TBRG1: variants seen among roughly 807,000 people sequenced by gnomAD.
The protein encoded by TBRG1 is transforming growth factor beta regulator 1.
In TBRG1, 31 loss-of-function variants were observed where a neutral mutation model predicts 44.0. The ratio of observed to expected loss-of-function variants is 0.70; its 90% CI spans 0.53 to 0.95. The LOEUF is 0.95. Among genes scored for constraint, TBRG1 ranks in the 40% least tolerant of loss-of-function variants. TBRG1 has a pLI of 0.00. For missense variants in TBRG1, 487 were observed against 496.1 expected, an observed-to-expected ratio of 0.98 and a Z score of 0.18; for synonymous variants, 171 against 188.1, an observed-to-expected ratio of 0.91 and a Z score of 0.74.
In TBRG1 at chr11:124,632,095, T is replaced by C; in HGVS notation, c.1093T>C (p.Ser365Pro). 1 of 1,613,678 alleles carries C rather than the reference T, an allele frequency of 6.2e-7. No individual in the cohort carries two copies. The highest frequency in any genetic ancestry group is 8.5e-7 in the Non-Finnish European group (1 of 1,179,656). ...EDQNDPLLPG[S>P]LDLPELQPAA... The stretch of plus-strand genomic sequence containing the variant: ...ACTTAAGGAATTGTTTTCTCCAGGA[T>C]CCTTGGACCTCCCAGAGCTTCAGCC... The change falls in exon 9 of 9, where the codon TCC (serine) becomes CCC (proline). Residue 365 changes from serine (S) to proline (P), a missense_variant and splice_region_variant. By Grantham distance (74) the Ser-to-Pro change is moderately conservative. Coordinates refer to ENST00000441174, the MANE Select transcript of TBRG1 (RefSeq NM_032811.3).
At chr11:124,628,536 A>C (rs1455757951) in intron 5 of TBRG1, among the ~76,000 whole-genome samples, 1 of 149,966 alleles carries the variant, frequency 6.7e-6, no homozygotes, top group Non-Finnish European at 1.5e-5. Flanking sequence ...AAAAAAAAAA[A>C]AAAAACCCAC....
rs1942717970 is a variant in TBRG1, at chr11:124,635,759, G to A, written c.*3521G>A. On this transcript the variant is annotated 3_prime_UTR_variant, in exon 9 of 9. Transcript: ENST00000441174. Reference sequence around the variant, plus strand: ...TCTTACTCCTTTTCACATGCTTCAAGGACAGTTTGCAAGTGGATATAAATA... The same window carrying A: ...TCTTACTCCTTTTCACATGCTTCAAAGACAGTTTGCAAGTGGATATAAATA... 3 of 152,098 alleles carry A rather than the reference G, an allele frequency of 2.0e-5. No individual in the cohort carries two copies. The South Asian group carries it at 6.2e-4, about 32-fold the overall frequency. 9.4% of individuals were successfully genotyped at this position (152,098 alleles called of 1,614,324 possible). A position where few individuals can be genotyped will look rare whatever the true frequency, so the allele number is the denominator to read the frequency against.
At chr11:124,624,379 A>AAAAG (rs1942410430) in intron 1 of TBRG1, among the ~76,000 whole-genome samples, 1 of 147,728 alleles carries the variant, frequency 6.8e-6, no homozygotes, top group African/African-American at 2.6e-5. Flanking sequence ...AAAAAAAAAA[A>AAAAG]AAAAGAAAAA....
Position 124,635,027 on chromosome 11 carries a change from A to G in TBRG1, c.*2789A>G, listed in dbSNP as rs1481276785. 1 of 152,232 alleles carries G rather than the reference A, an allele frequency of 6.6e-6. No individual in the cohort carries two copies. The highest frequency in any genetic ancestry group is 1.5e-5 in the Non-Finnish European group (1 of 68,040). The allele number at this position is 152,232 out of a possible 1,614,324, so 9.4% of individuals were successfully genotyped here. A position where few individuals can be genotyped will look rare whatever the true frequency, so the allele number is the denominator to read the frequency against. ...ACTCAGCCACTAAAAATGAATGTGC[A>G]TGGCGTCATTAACATAATCATTGCC... On this transcript the variant is annotated 3_prime_UTR_variant, in exon 9 of 9. Transcript: ENST00000441174.
rs746501171 is a variant in TBRG1, at chr11:124,622,956, C to G, written c.-128C>G. The G allele has an allele frequency of 3.7e-6, 4 of 1,093,522 alleles. No individual in the cohort carries two copies. The highest frequency in any genetic ancestry group is 5.1e-6 in the Non-Finnish European group (4 of 787,730). 67.7% of individuals were successfully genotyped at this position (1,093,522 alleles called of 1,614,324 possible). A position where few individuals can be genotyped will look rare whatever the true frequency, so the allele number is the denominator to read the frequency against. On this transcript the variant is annotated 5_prime_UTR_variant, in exon 1 of 9. Coordinates refer to ENST00000441174, the MANE Select transcript of TBRG1 (RefSeq NM_032811.3). ...CCTGCGGTCAGCCCTGGGAACGTCC[C>G]GGAGAGCTAGATTCCTAGAGGCCCG...
Position 124,622,990 on chromosome 11 carries a change from A to G in TBRG1, c.-94A>G. 1.5e-6 allele frequency: 2 copies of G among 1,338,900 alleles called. No homozygotes were observed. Among genetic ancestry groups the G allele is most frequent in the Non-Finnish European group, 9.9e-7 (1 of 1,006,860 alleles). The allele number at this position is 1,338,900 out of a possible 1,614,324, so 82.9% of individuals were successfully genotyped here. ...AGATTCCTAGAGGCCCGATTCCGCT[A>G]GCCCGGAACAGACAAAGCCAGCGCT... is the stretch of plus-strand genomic sequence containing the variant. On this transcript the variant is annotated 5_prime_UTR_variant, in exon 1 of 9. Coordinates refer to ENST00000441174, the MANE Select transcript of TBRG1 (RefSeq NM_032811.3).
At position 124,630,660 on chromosome 11, in the gene TBRG1, G is replaced by A. The variant is rs1042374016; in HGVS notation, c.837-85G>A. 7 of 1,110,240 alleles carry A rather than the reference G, an allele frequency of 6.3e-6. No individual in the cohort carries two copies. In the African/African-American group the frequency reaches 9.3e-5, roughly 15 times the overall value. The allele number at this position is 1,110,240 out of a possible 1,614,324, so 68.8% of individuals were successfully genotyped here. A position where few individuals can be genotyped will look rare whatever the true frequency, so the allele number is the denominator to read the frequency against. On this transcript the variant is annotated intron_variant, in intron 6 of 8. Coordinates refer to ENST00000441174, the MANE Select transcript of TBRG1 (RefSeq NM_032811.3). ...TATCAAAGTCAAGAAAGCTTATCCT[G>A]TTTGTTCATACCACTATTCTGTTCT...
rs1942648111 is a variant in TBRG1 at position 124,633,117 on chromosome 11, ATCTTTAACC to A, written c.*890_*898del. ...CACATTTTGCACATCCTTCAAGGGG[ATCTTTAACC>A]TCTTTAACCTTTGTATTGCACCTCA... On this transcript the variant is annotated 3_prime_UTR_variant, in exon 9 of 9. Coordinates refer to ENST00000441174, the MANE Select transcript of TBRG1 (RefSeq NM_032811.3). The A allele has an allele frequency of 7.1e-6, 1 of 140,892 alleles. No homozygotes were observed. The highest frequency in any genetic ancestry group is 1.5e-5 in the Non-Finnish European group (1 of 67,604). The allele number at this position is 140,892 out of a possible 1,614,324, so 8.7% of individuals were successfully genotyped here. A position where few individuals can be genotyped will look rare whatever the true frequency, so the allele number is the denominator to read the frequency against.
chr11:124,623,390 C>T lies in TBRG1; in HGVS notation c.150+157C>T, dbSNP rs76544434. ...TAGCCTTGTGTCCTTGGACAAATTA[C>T]GTAATTTCTCTGTGTCCTCATCTGT... On this transcript the variant is annotated intron_variant, in intron 1 of 8. Coordinates refer to ENST00000441174, the MANE Select transcript of TBRG1 (RefSeq NM_032811.3). 2,210 of 821,188 alleles carry T rather than the reference C, an allele frequency of 2.7e-3. 58 individuals are homozygous for T. The East Asian group carries it at 0.049, about 18-fold the overall frequency. 50.9% of individuals were successfully genotyped at this position (821,188 alleles called of 1,614,324 possible). A position where few individuals can be genotyped will look rare whatever the true frequency, so the allele number is the denominator to read the frequency against.
rs1295367799 is a variant in TBRG1 at position 124,622,902 on chromosome 11, G to T, written c.-182G>T. The T allele has an allele frequency of 4.8e-6, 3 of 621,744 alleles. No homozygotes were observed. The highest frequency in any genetic ancestry group is 8.1e-6 in the Non-Finnish European group (3 of 371,678). The allele number at this position is 621,744 out of a possible 1,614,324, so 38.5% of individuals were successfully genotyped here. ...ACACGGAAGTGCTGGGAGGCGCCGG[G>T]AGCCCGTTCGGTTGCGGGTGTCTCT... On this transcript the variant is annotated 5_prime_UTR_variant, in exon 1 of 9. Transcript: ENST00000441174.
At chr11:124,625,927 T>A in intron 3 of TBRG1, 24 bp downstream of exon 3, 1 of 1,533,868 alleles carries the variant, frequency 6.5e-7, no homozygotes, top group Non-Finnish European at 8.7e-7. Flanking sequence ...ATGATATCAG[T>A]TGCCCCAGTG....
rs574652408 is a variant in TBRG1 at position 124,633,718 on chromosome 11, C to T, written c.*1480C>T. On this transcript the variant is annotated 3_prime_UTR_variant, in exon 9 of 9. Transcript: ENST00000441174. ...AAACAAACTTTGTATAATAGCAAAT[C>T]GGGAAGGGGACTGCTTAAAATGTTA... is the stretch of plus-strand genomic sequence containing the variant. The T allele has an allele frequency of 3.3e-5, 5 of 152,158 alleles. No homozygotes were observed. Among genetic ancestry groups the T allele is most frequent in the South Asian group, 2.1e-4 (1 of 4,824 alleles). The allele number at this position is 152,158 out of a possible 1,614,324, so 9.4% of individuals were successfully genotyped here. A position where few individuals can be genotyped will look rare whatever the true frequency, so the allele number is the denominator to read the frequency against.
rs557349497 is a variant in TBRG1, at chr11:124,623,051, A to C, written c.-33A>C. The stretch of plus-strand genomic sequence containing the variant: ...CCCCGACTTAGGATCCGATGCCGGC[A>C]GCGTCCTGGGGCCCCCGTAGCGGGG... On this transcript the variant is annotated 5_prime_UTR_variant, in exon 1 of 9. Transcript: ENST00000441174. 267 of 1,505,166 alleles carry C rather than the reference A, an allele frequency of 1.8e-4. 1 individual carries two copies. In the African/African-American group the frequency reaches 3.4e-3, roughly 19 times the overall value. The allele number at this position is 1,505,166 out of a possible 1,614,324, so 93.2% of individuals were successfully genotyped here.
At chr11:124,630,917 C>T in intron 7 of TBRG1, 62 bp downstream of exon 7, 4 of 1,207,870 alleles carry the variant, frequency 3.3e-6, no homozygotes, top group Middle Eastern at 1.9e-4. Flanking sequence ...CAGGGACTGG[C>T]AGTTCCTACT....
rs1014493142 is a variant in TBRG1, at chr11:124,623,065, C to A, written c.-19C>A. 1 of 1,528,764 alleles carries A rather than the reference C, an allele frequency of 6.5e-7. No homozygotes were observed. Among genetic ancestry groups the A allele is most frequent in the East Asian group, 2.5e-5 (1 of 40,766 alleles). 94.7% of individuals were successfully genotyped at this position (1,528,764 alleles called of 1,614,324 possible). A position where few individuals can be genotyped will look rare whatever the true frequency, so the allele number is the denominator to read the frequency against. On this transcript the variant is annotated 5_prime_UTR_variant, in exon 1 of 9. Transcript: ENST00000441174. Reference sequence around the variant, plus strand: ...CCGATGCCGGCAGCGTCCTGGGGCCCCCGTAGCGGGGCTGGACCATGAGCC... The same window carrying A: ...CCGATGCCGGCAGCGTCCTGGGGCCACCGTAGCGGGGCTGGACCATGAGCC...
chr11:124,632,342 T>A lies in TBRG1; in HGVS notation c.*104T>A. The A allele has an allele frequency of 1.0e-6, 1 of 953,642 alleles. No homozygotes were observed. The highest frequency in any genetic ancestry group is 1.6e-6 in the Non-Finnish European group (1 of 633,116). 59.1% of individuals were successfully genotyped at this position (953,642 alleles called of 1,614,324 possible). On this transcript the variant is annotated 3_prime_UTR_variant, in exon 9 of 9. Transcript: ENST00000441174. ...GGCAGCAATTCAGAAGTAAAGAAGA[T>A]ACTAACGTATTTCATCATGGAAGGT...
At chr11:124,625,558 A>T in intron 2 of TBRG1, 113 bp from the exon 3 acceptor site, 1 of 932,906 alleles carries the variant, frequency 1.1e-6, no homozygotes, top group Non-Finnish European at 1.6e-6. Flanking sequence ...CCTTTCTTTT[A>T]TGAGTATAGT....
In TBRG1 at chr11:124,632,157, G is replaced by C. The variant is rs750318234; in HGVS notation, c.1155G>C (p.Leu385=). ...AFVSSYQPMY[L]THEPLVDTHL... The stretch of plus-strand genomic sequence containing the variant: ...TGTCTTCTTACCAGCCCATGTACCT[G>C]ACACATGAACCCTTGGTAGATACTC... Residue 385 remains leucine, a synonymous_variant, in exon 9 of 9, where the codon CTG becomes CTC. Coordinates refer to ENST00000441174, the MANE Select transcript of TBRG1 (RefSeq NM_032811.3). 5.0e-6 allele frequency: 8 copies of C among 1,613,524 alleles called. No individual in the cohort carries two copies. The African/African-American group carries it at 1.1e-4, about 22-fold the overall frequency.
rs779164642 is a variant in TBRG1, at chr11:124,632,217, C to G, written c.1215C>G (p.Ser405Arg). 6.2e-7 allele frequency: 1 copy of G among 1,613,734 alleles called. No homozygotes were observed. The highest frequency in any genetic ancestry group is 8.5e-7 in the Non-Finnish European group (1 of 1,179,768). The change falls in exon 9 of 9, where the codon AGC (serine) becomes AGG (arginine). Residue 405 changes from serine to arginine, a missense_variant. Ser to Arg is a moderately radical substitution (Grantham distance 110, BLOSUM62 -1). Coordinates refer to ENST00000441174, the MANE Select transcript of TBRG1 (RefSeq NM_032811.3). ...ACTTGAAGTCTCCATCACAGGGTAGCCCAATTCAGTCTTCAGATTGAACAA... is the reference window on the plus strand; with the variant it reads ...ACTTGAAGTCTCCATCACAGGGTAGGCCAATTCAGTCTTCAGATTGAACAA... ...LQHLKSPSQG[S>R]PIQSSD
Sources: gnomAD v4.1 joint callset for allele counts (sites outside exome capture counted in the v4.1 genomes callset) on GRCh38, gnomAD v4.1.1 for gene constraint, MANE v1.5 for transcripts, NCBI Gene and HGNC (gene_info 2026-07-23, HGNC 2026-07-21) for gene names.